ONECUT2: variants seen among roughly 807,000 people sequenced by gnomAD.
The protein encoded by ONECUT2 is one cut homeobox 2, also known as one cut domain family member 2.
ONECUT2 carries 10 observed loss-of-function variants against 27.9 expected under a neutral mutation model. The observed-to-expected ratio is 0.36, with a 90% CI of 0.22 to 0.61. ONECUT2 has a LOEUF of 0.61. Among genes scored for constraint, ONECUT2 ranks in the 20% least tolerant of loss-of-function variants. The probability of loss-of-function intolerance (pLI) is 0.73; values close to 1 mark genes in which losing one functional copy is unlikely to be tolerated. For missense variants in ONECUT2, 686 were observed against 721.0 expected (o/e 0.95, Z 0.56); for synonymous variants, 334 against 315.1 (o/e 1.06, Z -0.64).
At chr18:57,463,771 G>A (rs138190423) in intron 1 of ONECUT2, among the ~76,000 whole-genome samples, 213 of 152,098 alleles carry the variant, frequency 1.4e-3, no homozygotes, top group African/African-American at 5.0e-3. Flanking sequence ...ATGTGTTATG[G>A]AGAAATACAA....
At chr18:57,461,232 A>T (rs1384886301) in intron 1 of ONECUT2, among the ~76,000 whole-genome samples, 17 of 151,692 alleles carry the variant, frequency 1.1e-4, no homozygotes, top group African/African-American at 4.1e-4. Flanking sequence ...CTTTTTTCCA[A>T]CATTATCTTC....
chr18:57,436,007 G>C lies in ONECUT2; in HGVS notation c.291G>C (p.Ala97=). ...AHQELGTAAA[A]AAAASRSAMV... is the part of the protein sequence containing the mutation. The stretch of plus-strand genomic sequence containing the variant: ...AGGAGCTGGGCACGGCGGCAGCGGC[G>C]GCAGCGGCGGCGTCGCGCTCGGCCA... The change falls in exon 1 of 2, where the codon GCG becomes GCC. Residue 97 remains alanine (A), a synonymous_variant. Coordinates refer to ENST00000491143, the MANE Select transcript of ONECUT2 (RefSeq NM_004852.3). This position sits in a 1 kb window ranked among gnomAD's most constrained non-coding sequence, Gnocchi z 5.9. 1.3e-6 allele frequency: 2 copies of C among 1,511,218 alleles called. No individual in the cohort carries two copies. The highest frequency in any genetic ancestry group is 1.8e-6 in the Non-Finnish European group (2 of 1,134,222). 93.6% of individuals were successfully genotyped at this position (1,511,218 alleles called of 1,614,324 possible).
chr18:57,470,318 A>T (rs1568124269), intron 1 of ONECUT2, among the ~76,000 whole-genome samples: 1 of 152,162 alleles, frequency 6.6e-6, no homozygotes, highest in African/African-American at 2.4e-5. Context: ...CTTACTTCAC[A>T]GGCTTCCCAG....
In ONECUT2 at chr18:57,480,562, A is replaced by G. The variant is rs2050410333; in HGVS notation, c.*3839A>G. 7.2e-6 allele frequency: 1 copy of G among 139,846 alleles called. No homozygotes were observed. The highest frequency in any genetic ancestry group is 1.6e-5 in the Non-Finnish European group (1 of 62,818). The allele number at this position is 139,846 out of a possible 1,614,324, so 8.7% of individuals were successfully genotyped here. On this transcript the variant is annotated 3_prime_UTR_variant, in exon 2 of 2. Coordinates refer to ENST00000491143, the MANE Select transcript of ONECUT2 (RefSeq NM_004852.3). ...CCAGTCCTCTGATAATCAGAAGAAC[A>G]TGTCATAATTGTTTAAAAAAAAAAA...
At position 57,436,764 on chromosome 18, in the gene ONECUT2, A is replaced by G; in HGVS notation, c.1048A>G (p.Ser350Gly). 6.2e-7 allele frequency: 1 copy of G among 1,614,038 alleles called. No homozygotes were observed. The highest frequency in any genetic ancestry group is 8.5e-7 in the Non-Finnish European group (1 of 1,180,044). The change falls in exon 1 of 2, where the codon AGT becomes GGT. Residue 350 changes from serine to glycine, a missense_variant. Coordinates refer to ENST00000491143, the MANE Select transcript of ONECUT2 (RefSeq NM_004852.3). This position sits in a 1 kb window ranked among gnomAD's most constrained non-coding sequence, Gnocchi z 5.9. ...QRITAELKRY[S>G]IPQAIFAQRV... Reference sequence around the variant, plus strand: ...CATCACAGCGGAGCTGAAGCGCTACAGTATCCCCCAGGCGATCTTTGCGCA... The same window carrying G: ...CATCACAGCGGAGCTGAAGCGCTACGGTATCCCCCAGGCGATCTTTGCGCA...
intron 1 of ONECUT2, among the ~76,000 whole-genome samples, chr18:57,472,407 CT>C (rs760324101): frequency 6.6e-6 from 1 of 152,174 alleles, no homozygotes; most frequent in Non-Finnish European, 1.5e-5. Context: ...GGTGTTCTCC[CT>C]CCTGTTTTTA....
At chr18:57,465,287 T>C (rs2050315250) in intron 1 of ONECUT2, among the ~76,000 whole-genome samples, 1 of 152,104 alleles carries the variant, frequency 6.6e-6, no homozygotes, top group African/African-American at 2.4e-5. Flanking sequence ...TTCAGTCTCC[T>C]GAGTAGCTGG....
At chr18:57,442,497 G>C (rs1008357918) in intron 1 of ONECUT2, among the ~76,000 whole-genome samples, 1 of 152,112 alleles carries the variant, frequency 6.6e-6, no homozygotes, top group Non-Finnish European at 1.5e-5. Context: ...GGGAGCTTTG[G>C]TACACCACCT....
At chr18:57,454,993 C>A (rs1331637019) in intron 1 of ONECUT2, among the ~76,000 whole-genome samples, 2 of 152,164 alleles carry the variant, frequency 1.3e-5, no homozygotes, top group Non-Finnish European at 2.9e-5. Context: ...ACTGAGCCAA[C>A]AAAACTCACA....
At chr18:57,442,774 G>C (rs762919317) in intron 1 of ONECUT2, among the ~76,000 whole-genome samples, 1 of 152,142 alleles carries the variant, frequency 6.6e-6, no homozygotes, top group Non-Finnish European at 1.5e-5. Flanking sequence ...GTGAGGTCTG[G>C]GCAAAGGATA....
At position 57,435,418 on chromosome 18, in the gene ONECUT2, G is replaced by T. The variant is rs915234125; in HGVS notation, c.-299G>T. Among the ~76,000 whole-genome samples the T allele has an allele frequency of 4.6e-5, 7 of 151,770 alleles. 1 individual carries two copies. The highest frequency in any genetic ancestry group is 2.0e-4 in the East Asian group (1 of 5,018). ...CCCGCTCACCCAAACAGAAGACGTC[G>T]GCGCCGGAGCGGGCTCGGACATGGC... is the stretch of plus-strand genomic sequence containing the variant. On this transcript the variant is annotated 5_prime_UTR_variant, in exon 1 of 2. Transcript: ENST00000491143.
intron 1 of ONECUT2, among the ~76,000 whole-genome samples, chr18:57,449,523 G>GA (rs1338927338): frequency 6.6e-6 from 1 of 152,146 alleles, no homozygotes; most frequent in Non-Finnish European, 1.5e-5. Flanking sequence ...AATTTTAAGG[G>GA]AATCTCAAAG....
chr18:57,457,863 A>T (rs1160837356), intron 1 of ONECUT2, among the ~76,000 whole-genome samples: 1 of 152,200 alleles, frequency 6.6e-6, no homozygotes, highest in Non-Finnish European at 1.5e-5. Flanking sequence ...TCAGCCAACT[A>T]TCGCAAGGAC....
chr18:57,474,386 C>T (rs922444119), intron 1 of ONECUT2, among the ~76,000 whole-genome samples: 11 of 152,160 alleles, frequency 7.2e-5, no homozygotes, highest in Admixed American at 2.6e-4. Context: ...GCTCCAGTAA[C>T]AACCACAACA....
chr18:57,482,473 T>C lies in ONECUT2; in HGVS notation c.*5750T>C, dbSNP rs138948271. On this transcript the variant is annotated 3_prime_UTR_variant, in exon 2 of 2. Transcript: ENST00000491143. ...GTTATTGCTAGAGCCCAAGCTTTCC[T>C]TGGAGGTTTTGGAGTTAGGTTGATT... 6.6e-6 allele frequency: 1 copy of C among 152,296 alleles called. No homozygotes were observed. The highest frequency in any genetic ancestry group is 2.4e-5 in the African/African-American group (1 of 41,564). 9.4% of individuals were successfully genotyped at this position (152,296 alleles called of 1,614,324 possible).
In ONECUT2 at chr18:57,465,406, C is replaced by T. The variant is rs8089850; in HGVS notation, c.1229-11031C>T. 9.3e-3 allele frequency among the ~76,000 whole-genome samples: 1,410 copies of T among 152,326 alleles called. 21 individuals are homozygous for T. Among genetic ancestry groups the T allele is most frequent in the African/African-American group, 0.032 (1,339 of 41,568 alleles). ...CGCAAATTCCTGGGCTTAAGCAATC[C>T]GCCCGCCTTGGCCTCCCAAAGTGCT... On this transcript the variant is annotated intron_variant, in intron 1 of 1. Transcript: ENST00000491143.
intron 1 of ONECUT2, among the ~76,000 whole-genome samples, chr18:57,463,177 C>G (rs2050302615): frequency 6.6e-6 from 1 of 152,202 alleles, no homozygotes; most frequent in Non-Finnish European, 1.5e-5. Flanking sequence ...TATTCCAACT[C>G]CATTACAGGA....
Position 57,436,483 on chromosome 18 carries a change from A to G in ONECUT2, c.767A>G (p.Lys256Arg), listed in dbSNP as rs537538608. 1 of 1,613,292 alleles carries G rather than the reference A, an allele frequency of 6.2e-7. No homozygotes were observed. Among genetic ancestry groups the G allele is most frequent in the South Asian group, 1.1e-5 (1 of 91,060 alleles). Residue 256 changes from lysine (K) to arginine (R), a missense_variant, in exon 1 of 2, where the codon AAA becomes AGA. Lys to Arg is a conservative substitution (Grantham distance 26). Around this residue, in one of 4 missense-constraint regions of ONECUT2, gnomAD observed 511 missense variants for 488.1 expected, o/e 1.05. Coordinates refer to ENST00000491143, the MANE Select transcript of ONECUT2 (RefSeq NM_004852.3). The surrounding 1 kb of genome is among the most constrained non-coding windows in gnomAD (Gnocchi z 5.9). ...AACTACGGTCCGCCGGGCCACGACA[A>G]AATGCTCAGCCCCAACTTCGACGCG... Reference protein sequence around the residue: ...LPNYGPPGHDKMLSPNFDAHH... With the variant: ...LPNYGPPGHDRMLSPNFDAHH...
rs1331541765 is a variant in ONECUT2 at position 57,482,563 on chromosome 18, A to G, written c.*5840A>G. The G allele has an allele frequency of 1.3e-5, 2 of 152,228 alleles. No individual in the cohort carries two copies. The highest frequency in any genetic ancestry group is 2.4e-5 in the African/African-American group (1 of 41,462). The allele number at this position is 152,228 out of a possible 1,614,324, so 9.4% of individuals were successfully genotyped here. ...ACATTGCTACCAGCTTGTTCATCCC[A>G]TAGAAGTCTTCCACTCTGCTCCATT... On this transcript the variant is annotated 3_prime_UTR_variant, in exon 2 of 2. Transcript: ENST00000491143.
Sources: gnomAD v4.1 joint callset for allele counts (sites outside exome capture counted in the v4.1 genomes callset) on GRCh38, gnomAD v4.1.1 for gene constraint, gnomAD v4.1.1 regional missense constraint, Gnocchi (gnomAD v3.1) non-coding constraint, MANE v1.5 for transcripts, NCBI Gene and HGNC (gene_info 2026-07-23, HGNC 2026-07-21) for gene names.